The following ANTXR1 variants were observed in gnomAD, a reference collection of about 807,000 sequenced individuals.
ANTXR1 encodes the protein ANTXR cell adhesion molecule 1, also known as anthrax toxin receptor 1.
In ANTXR1, 19 loss-of-function variants were observed where a neutral mutation model predicts 78.1. The observed-to-expected ratio is 0.24, with a 90% CI of 0.17 to 0.36. ANTXR1 has a LOEUF of 0.36. Ranked by LOEUF, ANTXR1 falls within the 10% of genes least tolerant of loss-of-function variation. The probability of loss-of-function intolerance (pLI) is 1.00; values close to 1 mark genes in which losing one functional copy is unlikely to be tolerated. For synonymous variants in ANTXR1, 273 were observed against 260.5 expected (o/e 1.05, Z -0.46); for missense variants, 518 against 718.6 (o/e 0.72, Z 3.19).
chr2:69,013,384 C>G lies in ANTXR1; in HGVS notation c.-116C>G, dbSNP rs1490062320. The G allele has an allele frequency of 6.4e-6, 9 of 1,408,816 alleles. No homozygotes were observed. The African/African-American group carries it at 1.3e-4, about 20-fold the overall frequency. 87.3% of individuals were successfully genotyped at this position (1,408,816 alleles called of 1,614,324 possible). A position where few individuals can be genotyped will look rare whatever the true frequency, so the allele number is the denominator to read the frequency against. ...TTGCTTCCGGGGAGTTGCGAGGGAG[C>G]GAGGGGGAATAAAGGACCCGCGAGG... is the stretch of plus-strand genomic sequence containing the variant. On this transcript the variant is annotated 5_prime_UTR_variant, in exon 1 of 18. Transcript: ENST00000303714. The surrounding 1 kb of genome is among the most constrained non-coding windows in gnomAD (Gnocchi z 5.0).
intron 3 of ANTXR1, among the ~76,000 whole-genome samples, chr2:69,063,050 G>A (rs1338231448): frequency 6.6e-6 from 1 of 152,118 alleles, no homozygotes; most frequent in African/African-American, 2.4e-5. Flanking sequence ...GACAGAAAGG[G>A]AAAAGTCTGA....
intron 10 of ANTXR1, among the ~76,000 whole-genome samples, chr2:69,112,179 G>C (rs1338025067): frequency 6.6e-6 from 1 of 152,172 alleles, no homozygotes; most frequent in Admixed American, 6.5e-5. Flanking sequence ...GCTACTGATT[G>C]TTGAGTACCT....
intron 13 of ANTXR1, among the ~76,000 whole-genome samples, chr2:69,169,675 G>A (rs1437838770): frequency 1.3e-5 from 2 of 152,250 alleles, no homozygotes; most frequent in Non-Finnish European, 2.9e-5. Flanking sequence ...AAGTGTCAGT[G>A]CCCTGAAAGA....
intron 17 of ANTXR1, among the ~76,000 whole-genome samples, chr2:69,217,576 A>G (rs910282241): frequency 1.3e-5 from 2 of 152,212 alleles, no homozygotes; most frequent in African/African-American, 4.8e-5. Context: ...CATGGTTGTG[A>G]TTACTAAATG....
At chr2:69,228,142 C>A (rs970855770) in intron 17 of ANTXR1, among the ~76,000 whole-genome samples, 3 of 152,100 alleles carry the variant, frequency 2.0e-5, no homozygotes, top group African/African-American at 7.2e-5. Flanking sequence ...GAGGTTTGTC[C>A]CTTAGAAAGC....
intron 1 of ANTXR1, among the ~76,000 whole-genome samples, chr2:69,016,660 G>C (rs1641706707): frequency 6.6e-6 from 1 of 152,140 alleles, no homozygotes; most frequent in South Asian, 2.1e-4. Flanking sequence ...TGTTTAAAAA[G>C]TTAAACACAC....
chr2:69,054,171 A>G (rs1670004777), intron 3 of ANTXR1, among the ~76,000 whole-genome samples: 1 of 114,468 alleles, frequency 8.7e-6, no homozygotes, highest in Admixed American at 8.2e-5. Flanking sequence ...TGTATTATCA[A>G]AGATGGGGAT....
chr2:69,157,297 G>A (rs1226523032), intron 13 of ANTXR1, among the ~76,000 whole-genome samples: 3 of 151,724 alleles, frequency 2.0e-5, no homozygotes, highest in Non-Finnish European at 4.4e-5. Flanking sequence ...GTTCTCCAGG[G>A]TTGCCTTCCA....
intron 1 of ANTXR1, among the ~76,000 whole-genome samples, chr2:69,029,520 TC>T (rs1474979804): frequency 6.6e-6 from 1 of 151,594 alleles, no homozygotes; most frequent in East Asian, 1.9e-4. Context: ...TTCGATAATT[TC>T]TTAAAATATA....
chr2:69,244,606 T>A (rs1374089148), intron 17 of ANTXR1, among the ~76,000 whole-genome samples: 1 of 152,230 alleles, frequency 6.6e-6, no homozygotes, highest in African/African-American at 2.4e-5. Flanking sequence ...AGGGCCTCCA[T>A]GACAACTCCA....
intron 13 of ANTXR1, among the ~76,000 whole-genome samples, chr2:69,162,101 AT>A (rs1364800883): frequency 3.9e-5 from 6 of 152,222 alleles, no homozygotes; most frequent in African/African-American, 1.4e-4. Flanking sequence ...CCTGGAAAAA[AT>A]AGAATAGAAG....
intron 12 of ANTXR1, among the ~76,000 whole-genome samples, chr2:69,134,311 G>C (rs1457972849): frequency 2.6e-5 from 4 of 152,304 alleles, no homozygotes; most frequent in African/African-American, 9.6e-5. Context: ...TCAAAGGGCT[G>C]CGCTGAAACA....
intron 6 of ANTXR1, among the ~76,000 whole-genome samples, chr2:69,073,602 G>A (rs71413183): frequency 0.058 from 8,813 of 152,104 alleles, 486 homozygotes; most frequent in East Asian, 0.2. Flanking sequence ...TCTTTTAATA[G>A]TTCCTTTTTT....
intron 17 of ANTXR1, among the ~76,000 whole-genome samples, chr2:69,199,272 C>T (rs1443684208): frequency 2.0e-5 from 3 of 152,208 alleles, no homozygotes; most frequent in Non-Finnish European, 4.4e-5. Context: ...TTCTAACAAA[C>T]TCCCATGTGA....
chr2:69,083,513 C>T (rs1208815028), intron 8 of ANTXR1, among the ~76,000 whole-genome samples: 1 of 152,200 alleles, frequency 6.6e-6, no homozygotes, highest in Non-Finnish European at 1.5e-5. Context: ...TTTTGAAGCT[C>T]TTGCTTGGCA....
intron 8 of ANTXR1, among the ~76,000 whole-genome samples, chr2:69,089,230 G>A (rs2104277403): frequency 6.6e-6 from 1 of 152,356 alleles, no homozygotes; most frequent in East Asian, 1.9e-4. Flanking sequence ...TGCTTTTGGT[G>A]ACATTCAGGT....
Position 69,073,052 on chromosome 2 carries a change from T to C in ANTXR1, c.443T>C (p.Leu148Ser), listed in dbSNP as rs752336491. The C allele has an allele frequency of 6.2e-7, 1 of 1,614,104 alleles. No homozygotes were observed. Among genetic ancestry groups the C allele is most frequent in the Admixed American group, 1.7e-5 (1 of 60,028 alleles). The change falls in exon 6 of 18, where the codon TTG becomes TCG. Residue 148 changes from leucine (L) to serine (S), a missense_variant. Transcript: ENST00000303714. ...GYRTASVIIA[L>S]TDGELHEDLF... ...AGGACAGCCAGCGTCATCATTGCTTTGACTGATGGAGAACTCCATGAAGAT... is the reference window on the plus strand; with the variant it reads ...AGGACAGCCAGCGTCATCATTGCTTCGACTGATGGAGAACTCCATGAAGAT...
intron 9 of ANTXR1, among the ~76,000 whole-genome samples, chr2:69,091,445 CAAAAA>C (rs60795933): frequency 3.2e-5 from 2 of 62,326 alleles, no homozygotes; most frequent in South Asian, 8.9e-4. Context: ...GACACCATCT[CAAAAA>C]AAAAAAAAAA....
At chr2:69,137,637 A>G (rs990819161) in intron 12 of ANTXR1, among the ~76,000 whole-genome samples, 1 of 152,088 alleles carries the variant, frequency 6.6e-6, no homozygotes, top group African/African-American at 2.4e-5. Flanking sequence ...AAATAGAAAA[A>G]TTAGCCAGGC....
Sources: gnomAD v4.1 joint callset for allele counts (sites outside exome capture counted in the v4.1 genomes callset) on GRCh38, gnomAD v4.1.1 for gene constraint, Gnocchi (gnomAD v3.1) non-coding constraint, MANE v1.5 for transcripts, NCBI Gene and HGNC (gene_info 2026-07-23, HGNC 2026-07-21) for gene names.